Variants in GLIS3 observed in about 807,000 individuals in gnomAD.
GLIS3 encodes the protein zinc finger protein GLIS3.
Under a neutral mutation model 78.6 loss-of-function variants are expected in GLIS3, and 53 were observed. That is an observed-to-expected ratio of 0.67 (90% CI 0.54 to 0.85). GLIS3 has a LOEUF of 0.85. Among genes scored for constraint, GLIS3 ranks in the 40% least tolerant of loss-of-function variants. GLIS3 has a pLI of 0.00. For missense variants in GLIS3, 1,703 were observed against 1,231.1 expected (o/e 1.38, Z -5.74); for synonymous variants, 684 against 509.9 (o/e 1.34, Z -4.60).
chr9:4,264,488 G>A (rs1186993402), intron 2 of GLIS3, among the ~76,000 whole-genome samples: 1 of 152,150 alleles, frequency 6.6e-6, no homozygotes, highest in African/African-American at 2.4e-5. Flanking sequence ...ACCCTTGGAA[G>A]AGTTCCTATC....
At chr9:4,423,283 T>G in the GLIS3 span, among the ~76,000 whole-genome samples, 1 of 152,126 alleles carries the variant, frequency 6.6e-6, no homozygotes, top group South Asian at 2.1e-4. Context: ...TTCAGGGAGC[T>G]GAAGCTGAAA....
At chr9:4,140,615 A>T (rs1383661180) in intron 2 of GLIS3, among the ~76,000 whole-genome samples, 4 of 152,132 alleles carry the variant, frequency 2.6e-5, no homozygotes, top group Non-Finnish European at 4.4e-5. Flanking sequence ...GAGCTGCTCA[A>T]CTATCTCATA....
At chr9:3,912,427 C>T (rs976822833) in intron 6 of GLIS3, among the ~76,000 whole-genome samples, 3 of 152,230 alleles carry the variant, frequency 2.0e-5, no homozygotes, top group Non-Finnish European at 4.4e-5. Context: ...AAACCAGAAC[C>T]CACAACAAAA....
intron 2 of GLIS3, among the ~76,000 whole-genome samples, chr9:4,239,701 C>T (rs1823112093): frequency 6.6e-6 from 1 of 152,204 alleles, no homozygotes; most frequent in African/African-American, 2.4e-5. Context: ...CTACTTCCCT[C>T]CCTTATTAGA....
intron 2 of GLIS3, among the ~76,000 whole-genome samples, chr9:4,191,152 C>A (rs914407928): frequency 6.7e-6 from 1 of 149,720 alleles, no homozygotes; most frequent in Non-Finnish European, 1.5e-5. Flanking sequence ...CAGCTAACAT[C>A]ATAATGACAG....
chr9:4,338,780 T>A (rs376974699), intron 2 of GLIS3, among the ~76,000 whole-genome samples: 18 of 152,298 alleles, frequency 1.2e-4, no homozygotes, highest in African/African-American at 4.1e-4. Flanking sequence ...AGCCTCATAT[T>A]GTATCACCTA....
chr9:4,354,660 G>C, the GLIS3 span, among the ~76,000 whole-genome samples: 2 of 152,126 alleles, frequency 1.3e-5, no homozygotes, highest in Non-Finnish European at 2.9e-5. Context: ...CTCTCACTGC[G>C]GTCCTGGGAT....
chr9:3,992,215 G>A (rs1820371113), intron 4 of GLIS3, among the ~76,000 whole-genome samples: 1 of 152,140 alleles, frequency 6.6e-6, no homozygotes, highest in Non-Finnish European at 1.5e-5. Context: ...TTTATACAGT[G>A]CCTAGACTAA....
At chr9:4,162,042 C>G (rs1019826610) in intron 2 of GLIS3, among the ~76,000 whole-genome samples, 1 of 152,050 alleles carries the variant, frequency 6.6e-6, no homozygotes. Flanking sequence ...TCTGTAGCCT[C>G]TAGGAGAGGA....
At chr9:4,391,493 T>G in the GLIS3 span, among the ~76,000 whole-genome samples, 2 of 152,104 alleles carry the variant, frequency 1.3e-5, no homozygotes, top group Non-Finnish European at 2.9e-5. Flanking sequence ...CTGTGTCACC[T>G]GGCACCAGGT....
At chr9:4,180,320 G>A (rs945924630) in intron 2 of GLIS3, among the ~76,000 whole-genome samples, 1 of 152,126 alleles carries the variant, frequency 6.6e-6, no homozygotes, top group Admixed American at 6.5e-5. Context: ...TTCCAACCCT[G>A]CTCACCAATT....
chr9:4,433,511 G>C, the GLIS3 span, among the ~76,000 whole-genome samples: 1 of 152,190 alleles, frequency 6.6e-6, no homozygotes, highest in Non-Finnish European at 1.5e-5. Context: ...GAGATTTATA[G>C]CCAACTACTA....
At chr9:4,335,142 T>C (rs1489730589) in intron 2 of GLIS3, among the ~76,000 whole-genome samples, 1 of 152,114 alleles carries the variant, frequency 6.6e-6, no homozygotes, top group Admixed American at 6.5e-5. Context: ...TCTCCTGACC[T>C]CGTGATCCAC....
At chr9:4,352,586 G>A (rs557148719), upstream of GLIS3, among the ~76,000 whole-genome samples, 19 of 152,356 alleles carry the variant, frequency 1.2e-4, no homozygotes, top group Non-Finnish European at 2.6e-4. Context: ...CTTGGGTTAG[G>A]CTACTTCTGT....
chr9:4,467,055 G>C, the GLIS3 span, among the ~76,000 whole-genome samples: 58 of 152,316 alleles, frequency 3.8e-4, no homozygotes, highest in African/African-American at 1.3e-3. Context: ...GTTTGAGATT[G>C]AACTGCAAGG....
chr9:3,933,093 G>C (rs1310579846), intron 5 of GLIS3, among the ~76,000 whole-genome samples: 1 of 152,162 alleles, frequency 6.6e-6, no homozygotes, highest in African/African-American at 2.4e-5. Context: ...TCTTGGCTGA[G>C]TGCAATCAGA....
At chr9:4,359,119 C>T in the GLIS3 span, among the ~76,000 whole-genome samples, 2 of 152,132 alleles carry the variant, frequency 1.3e-5, no homozygotes, top group South Asian at 2.1e-4. Context: ...CTCCTGCGGT[C>T]GAAAGTGGCT....
intron 8 of GLIS3, among the ~76,000 whole-genome samples, chr9:3,858,060 T>C (rs1819905664): frequency 6.6e-6 from 1 of 152,136 alleles, no homozygotes; most frequent in Admixed American, 6.6e-5. Flanking sequence ...CAACCTATGG[T>C]ACTATTTAAC....
intron 4 of GLIS3, among the ~76,000 whole-genome samples, chr9:3,988,790 A>T (rs1217407753): frequency 6.6e-6 from 1 of 152,202 alleles, no homozygotes; most frequent in Non-Finnish European, 1.5e-5. Flanking sequence ...TAAATGTAAG[A>T]AACAGCACCA....
Sources: allele counts gnomAD v4.1 joint callset (sites outside exome capture counted in the v4.1 genomes callset), GRCh38; gene constraint gnomAD v4.1.1; transcripts MANE v1.5; gene names NCBI Gene and HGNC (gene_info 2026-07-23, HGNC 2026-07-21).